Variants in ACBD5 observed in about 807,000 individuals in gnomAD.
The protein encoded by ACBD5 is acyl-CoA-binding domain-containing protein 5.
ACBD5 carries 40 observed loss-of-function variants against 71.8 expected under a neutral mutation model. That is an observed-to-expected ratio of 0.56 (90% CI 0.43 to 0.72). The LOEUF (loss-of-function observed/expected upper bound fraction) is 0.72. Among genes scored for constraint, ACBD5 ranks in the 30% least tolerant of loss-of-function variants. The probability of loss-of-function intolerance (pLI) is 0.00; values close to 1 mark genes in which losing one functional copy is unlikely to be tolerated. For missense variants in ACBD5, 559 were observed against 644.5 expected (o/e 0.87, Z 1.44); for synonymous variants, 229 against 218.6 (o/e 1.05, Z -0.42).
Position 27,240,725 on chromosome 10 carries a change from G to T in ACBD5, c.-37C>A, listed in dbSNP as rs1477335980. 4 of 1,550,074 alleles carry T rather than the reference G, an allele frequency of 2.6e-6. No individual in the cohort carries two copies. Reference sequence around the variant, plus strand: ...GACAGAGGGGGTCCGGGCATCGGTGGCCGCGGAGCCGCTCTCCCACCCTGG... The same window carrying T: ...GACAGAGGGGGTCCGGGCATCGGTGTCCGCGGAGCCGCTCTCCCACCCTGG... On this transcript the variant is annotated 5_prime_UTR_variant, in exon 1 of 13. Coordinates refer to ENST00000396271, the MANE Select transcript of ACBD5 (RefSeq NM_145698.5). This position sits in a 1 kb window ranked among gnomAD's most constrained non-coding sequence, Gnocchi z 4.1.
chr10:27,193,767 TA>T (rs1420003316), downstream of ACBD5, among the ~76,000 whole-genome samples: 1 of 152,200 alleles, frequency 6.6e-6, no homozygotes, highest in South Asian at 2.1e-4. Flanking sequence ...CCTGTCTACC[TA>T]ATGGCATTGT....
chr10:27,186,084 G>A lies in ACBD5; in HGVS notation c.1494-3369C>T, dbSNP rs188999060. 9.0e-3 allele frequency among the ~76,000 whole-genome samples: 1,314 copies of A among 146,620 alleles called. 12 individuals are homozygous for A. Among genetic ancestry groups the A allele is most frequent in the Non-Finnish European group, 0.014 (945 of 67,958 alleles). On this transcript the variant is annotated intron_variant, in intron 13 of 13. Coordinates refer to the ACBD5 transcript ENST00000676511. ...AGCCTGGGCAACGGAGCGAGACCTC[G>A]TCTCAAAAAAAAAGCTGTGAGAAAG...
In ACBD5 at chr10:27,240,456, C is replaced by A; in HGVS notation, c.44G>T (p.Cys15Phe). ...GTCGGCGGGAATCAGGCAGCAGCAG[C>A]ACCAGCTTTCCCAAGAGCCTGCATG... ...SFHAGSWESW[C>F]CCCLIPADRP... Residue 15 changes from cysteine (C) to phenylalanine (F), a missense_variant, in exon 2 of 13, where the codon TGC becomes TTC. Cys to Phe is a radical substitution (Grantham distance 205). Transcript: ENST00000396271. The surrounding 1 kb of genome is among the most constrained non-coding windows in gnomAD (Gnocchi z 4.1). The A allele has an allele frequency of 6.2e-7, 1 of 1,613,460 alleles. No homozygotes were observed. Among genetic ancestry groups the A allele is most frequent in the Non-Finnish European group, 8.5e-7 (1 of 1,179,684 alleles).
chr10:27,186,307 A>G (rs2058743672), intron 13 of ACBD5: 1 of 1,407,518 alleles, frequency 7.1e-7, no homozygotes, highest in Non-Finnish European at 1.0e-6. Context: ...TTCTCTTTTT[A>G]TAATAATTCC....
intron 12 of ACBD5, among the ~76,000 whole-genome samples, chr10:27,198,999 C>T (rs1388749251): frequency 1.3e-5 from 2 of 151,884 alleles, no homozygotes; most frequent in Non-Finnish European, 2.9e-5. Context: ...GTCCCAGCTA[C>T]TTGGGAGGCT....
Position 27,204,506 on chromosome 10 carries a change from G to C in ACBD5, c.1499C>G (p.Thr500Arg). Residue 500 changes from threonine to arginine, a missense_variant, in exon 12 of 13, where the codon ACG (threonine) becomes AGG (arginine). Thr to Arg is a moderately conservative substitution (Grantham distance 71). Transcript: ENST00000396271. ...WPFEMSPGVL[T>R]FAIIWPFIAQ... ...AATAAAAGGCCATATGATGGCAAAC[G>C]TTAGCACACCAGGAGACATCTCGAA... 6.2e-7 allele frequency: 1 copy of C among 1,614,018 alleles called. No homozygotes were observed. The highest frequency in any genetic ancestry group is 1.1e-5 in the South Asian group (1 of 91,078).
At chr10:27,208,027 G>A (rs557086267) in intron 10 of ACBD5, among the ~76,000 whole-genome samples, 54 of 152,140 alleles carry the variant, frequency 3.5e-4, no homozygotes, top group Admixed American at 3.3e-4. Flanking sequence ...GAGCCACGGC[G>A]CCCAGCCATT....
chr10:27,203,291 T>A (rs2060125878), intron 12 of ACBD5, among the ~76,000 whole-genome samples: 1 of 152,094 alleles, frequency 6.6e-6, no homozygotes. Flanking sequence ...TGGCAACTTT[T>A]TAGATTTAAG....
chr10:27,185,965 T>C (rs1247375976), intron 13 of ACBD5, among the ~76,000 whole-genome samples: 2 of 151,988 alleles, frequency 1.3e-5, no homozygotes, highest in South Asian at 4.2e-4. Context: ...GGCACACACC[T>C]GTAATCCCAG....
At chr10:27,186,439 T>C (rs2058755601) in intron 13 of ACBD5, 1 of 1,614,044 alleles carries the variant, frequency 6.2e-7, no homozygotes, top group African/African-American at 1.3e-5. Flanking sequence ...CATCAGACTA[T>C]GCCTTTCATC....
At chr10:27,223,578 T>C (rs748370358) in intron 4 of ACBD5, 126 bp from the exon 5 acceptor site, 2 of 763,096 alleles carry the variant, frequency 2.6e-6, no homozygotes, top group Non-Finnish European at 4.4e-6. Context: ...ATAGACTCTC[T>C]GAAGGATCTA....
chr10:27,236,059 A>C (rs1296785198), intron 2 of ACBD5, among the ~76,000 whole-genome samples: 4 of 151,744 alleles, frequency 2.6e-5, no homozygotes, highest in Admixed American at 2.6e-4. Context: ...GGATGCAGTG[A>C]GCTGTGATCA....
At chr10:27,183,918 C>T (rs1055096475) in intron 13 of ACBD5, among the ~76,000 whole-genome samples, 29 of 152,136 alleles carry the variant, frequency 1.9e-4, no homozygotes, top group South Asian at 1.2e-3. Flanking sequence ...TGCTGTGTTG[C>T]CCAGGCTGGT....
chr10:27,219,118 A>G (rs141557017), intron 6 of ACBD5, among the ~76,000 whole-genome samples: 10,423 of 151,918 alleles, frequency 0.069, 670 homozygotes, highest in African/African-American at 0.17. Flanking sequence ...CCTGGTCAAC[A>G]TGGTGACATC....
Position 27,204,692 on chromosome 10 carries a change from C to T in ACBD5, c.1456-143G>A, listed in dbSNP as rs541847241. On this transcript the variant is annotated intron_variant, in intron 11 of 12. Coordinates refer to ENST00000396271, the MANE Select transcript of ACBD5 (RefSeq NM_145698.5). ...CTGCTGAAAGAAGAAAGATATTCTG[C>T]ATTTCAGAGTATAATTCAGGAAACA... is the stretch of plus-strand genomic sequence containing the variant. The T allele has an allele frequency of 3.2e-5, 22 of 692,460 alleles. No homozygotes were observed. The South Asian group carries it at 3.2e-4, about 10-fold the overall frequency. 42.9% of individuals were successfully genotyped at this position (692,460 alleles called of 1,614,324 possible).
chr10:27,202,198 C>T (rs991907044), intron 12 of ACBD5, among the ~76,000 whole-genome samples: 1 of 152,162 alleles, frequency 6.6e-6, no homozygotes, highest in Admixed American at 6.6e-5. Context: ...TTAAAAGATG[C>T]CTAAATCCCC....
intron 12 of ACBD5, among the ~76,000 whole-genome samples, 197 bp downstream of exon 12, chr10:27,204,243 T>G (rs749435245): frequency 2.8e-4 from 43 of 152,102 alleles, no homozygotes; most frequent in Admixed American, 1.3e-4. Flanking sequence ...GTGAAAATGT[T>G]TTTAAGTCTA....
chr10:27,236,856 G>C (rs2064773194), intron 2 of ACBD5, among the ~76,000 whole-genome samples: 1 of 133,800 alleles, frequency 7.5e-6, no homozygotes, highest in African/African-American at 2.8e-5. Flanking sequence ...CTGCACTACA[G>C]CCTGGGCAGC....
chr10:27,227,009 A>AAT (rs1366987134), intron 4 of ACBD5, among the ~76,000 whole-genome samples: 3 of 78,392 alleles, frequency 3.8e-5, no homozygotes, highest in African/African-American at 1.6e-4. Flanking sequence ...TTTTTTTGCG[A>AAT]TTTTTTTTTT....
Sources: gnomAD v4.1 joint callset for allele counts (sites outside exome capture counted in the v4.1 genomes callset) on GRCh38, gnomAD v4.1.1 for gene constraint, Gnocchi (gnomAD v3.1) non-coding constraint, MANE v1.5 for transcripts, NCBI Gene and HGNC (gene_info 2026-07-23, HGNC 2026-07-21) for gene names.